FSTL4: variants seen among roughly 807,000 people sequenced by gnomAD.
The protein encoded by FSTL4 is follistatin-related protein 4.
FSTL4 carries 28 observed loss-of-function variants against 78.2 expected under a neutral mutation model. The observed-to-expected ratio is 0.36, with a 90% CI of 0.27 to 0.49. FSTL4 has a LOEUF of 0.49. FSTL4 is among the 20% of genes least tolerant of loss of function. The pLI is 0.98. For synonymous variants in FSTL4, 422 were observed against 440.5 expected, an observed-to-expected ratio of 0.96 and a Z score of 0.53; for missense variants, 922 against 1,084.9, an observed-to-expected ratio of 0.85 and a Z score of 2.11.
At chr5:133,646,006 T>C in the FSTL4 span, among the ~76,000 whole-genome samples, 1 of 152,252 alleles carries the variant, frequency 6.6e-6, no homozygotes, top group South Asian at 2.1e-4. Flanking sequence ...AGGAGATGAA[T>C]ATACCAAGTA....
the FSTL4 span, among the ~76,000 whole-genome samples, chr5:133,797,425 T>C: frequency 6.6e-6 from 1 of 152,252 alleles, no homozygotes; most frequent in Admixed American, 6.5e-5. Flanking sequence ...ACTTAATCCT[T>C]GCCTTGCATG....
the FSTL4 span, among the ~76,000 whole-genome samples, chr5:133,746,222 GA>G: frequency 6.6e-6 from 1 of 152,164 alleles, no homozygotes; most frequent in Non-Finnish European, 1.5e-5. Flanking sequence ...GCAAATCATG[GA>G]TTCAAAAGCA....
the FSTL4 span, among the ~76,000 whole-genome samples, chr5:133,832,217 T>A: frequency 6.6e-6 from 1 of 152,210 alleles, no homozygotes; most frequent in East Asian, 1.9e-4. Flanking sequence ...GACTCCAAAG[T>A]GATTACTCTA....
chr5:133,545,383 C>T (rs151161831), intron 3 of FSTL4, among the ~76,000 whole-genome samples: 1 of 152,250 alleles, frequency 6.6e-6, no homozygotes, highest in African/African-American at 2.4e-5. Flanking sequence ...GAATTAGTTA[C>T]AAGAGTGTGT....
In FSTL4 at chr5:133,390,514, C is replaced by A. The variant is rs146837307; in HGVS notation, c.409+10224G>T. ...GCAGGACTGGGCACAAGCTCACCTA[C>A]AATCAGGAAGCATGGGTGGTTCCCG... On this transcript the variant is annotated intron_variant, in intron 4 of 15. Coordinates refer to ENST00000265342, the MANE Select transcript of FSTL4 (RefSeq NM_015082.2). 4.1e-3 allele frequency among the ~76,000 whole-genome samples: 632 copies of A among 152,370 alleles called. 2 individuals are homozygous for A. The highest frequency in any genetic ancestry group is 0.014 in the African/African-American group (603 of 41,596).
At chr5:133,798,992 GGGAGGGAGAGAGAGGGGA>G in the FSTL4 span, among the ~76,000 whole-genome samples, 1 of 131,978 alleles carries the variant, frequency 7.6e-6, no homozygotes, top group African/African-American at 2.9e-5. Flanking sequence ...GAGGGAGGAA[GGGAGGGAGAGAGAGGGGA>G]AGGGAAGGAA....
the FSTL4 span, among the ~76,000 whole-genome samples, chr5:133,754,299 T>C: frequency 6.6e-6 from 1 of 152,192 alleles, no homozygotes; most frequent in African/African-American, 2.4e-5. Context: ...ATAATTGCTA[T>C]GAAATAGAAC....
At chr5:133,797,152 T>C in the FSTL4 span, among the ~76,000 whole-genome samples, 6 of 152,230 alleles carry the variant, frequency 3.9e-5, no homozygotes, top group African/African-American at 1.4e-4. Flanking sequence ...GGCAGTCAGA[T>C]TCCAGTTTGG....
At chr5:133,674,100 G>A in the FSTL4 span, among the ~76,000 whole-genome samples, 2 of 152,234 alleles carry the variant, frequency 1.3e-5, no homozygotes, top group Non-Finnish European at 1.5e-5. Flanking sequence ...GGGCCTGCAC[G>A]GGGGCTCCAG....
At chr5:133,833,410 T>G in the FSTL4 span, among the ~76,000 whole-genome samples, 2 of 152,274 alleles carry the variant, frequency 1.3e-5, no homozygotes, top group African/African-American at 4.8e-5. Context: ...TCATAAATTA[T>G]GCATAAAGAA....
chr5:133,277,038 G>A lies in FSTL4; in HGVS notation c.728-27462C>T, dbSNP rs563532479. ...AGAAAGACAGGGTAATAGGCTGGGC[G>A]CGGTGGCTCACTCCTGTAATTCCAG... On this transcript the variant is annotated intron_variant, in intron 6 of 15. Coordinates refer to ENST00000265342, the MANE Select transcript of FSTL4 (RefSeq NM_015082.2). 2.0e-5 allele frequency among the ~76,000 whole-genome samples: 3 copies of A among 152,304 alleles called. No individual in the cohort carries two copies. The East Asian group carries it at 5.8e-4, about 29-fold the overall frequency.
chr5:133,448,208 G>C (rs1185774330), intron 3 of FSTL4, among the ~76,000 whole-genome samples: 2 of 152,184 alleles, frequency 1.3e-5, no homozygotes, highest in Non-Finnish European at 2.9e-5. Context: ...TCCCTCCCCA[G>C]GGCTGCCCTG....
chr5:133,305,460 C>G (rs888904565), intron 6 of FSTL4, among the ~76,000 whole-genome samples: 2 of 152,226 alleles, frequency 1.3e-5, no homozygotes, highest in Non-Finnish European at 2.9e-5. Flanking sequence ...CCTTTTTCCT[C>G]ACCCTCTGCC....
intron 4 of FSTL4, among the ~76,000 whole-genome samples, chr5:133,396,574 T>C (rs1391161908): frequency 1.3e-5 from 2 of 152,188 alleles, no homozygotes; most frequent in Non-Finnish European, 2.9e-5. Context: ...AGAGCTGGAC[T>C]GGGCTGACAA....
chr5:133,628,006 T>C, the FSTL4 span, among the ~76,000 whole-genome samples: 1 of 152,102 alleles, frequency 6.6e-6, no homozygotes, highest in East Asian at 1.9e-4. Flanking sequence ...ACATGGAAAC[T>C]GAACAACCTG....
the FSTL4 span, among the ~76,000 whole-genome samples, chr5:133,634,333 T>C: frequency 3.9e-5 from 6 of 152,154 alleles, no homozygotes; most frequent in African/African-American, 1.2e-4. Context: ...TTTTCTGTCT[T>C]GCTAGGCTGC....
chr5:133,463,759 C>T (rs560966661), intron 3 of FSTL4, among the ~76,000 whole-genome samples: 1 of 152,164 alleles, frequency 6.6e-6, no homozygotes, highest in South Asian at 2.1e-4. Context: ...GACTGATAGC[C>T]TTTCCTGAGA....
chr5:133,554,351 T>C (rs1759744952), intron 3 of FSTL4, among the ~76,000 whole-genome samples: 1 of 152,226 alleles, frequency 6.6e-6, no homozygotes, highest in Non-Finnish European at 1.5e-5. Flanking sequence ...GGGTAGCATG[T>C]TTCTCGCTAT....
chr5:133,415,592 T>C lies in FSTL4; in HGVS notation c.161-14606A>G, dbSNP rs184448741. On this transcript the variant is annotated intron_variant, in intron 3 of 15. Transcript: ENST00000265342. ...ATAGTAAAGAGGAGGTGGCAGAGCA[T>C]GGTGGTGGCCAAGTGGGGGTCAAAG... 2.6e-4 allele frequency among the ~76,000 whole-genome samples: 39 copies of C among 152,178 alleles called. 1 individual carries two copies. The highest frequency in any genetic ancestry group is 5.3e-4 in the African/African-American group (22 of 41,488).
Sources: gnomAD v4.1 joint callset for allele counts (sites outside exome capture counted in the v4.1 genomes callset) on GRCh38, gnomAD v4.1.1 for gene constraint, MANE v1.5 for transcripts, NCBI Gene and HGNC (gene_info 2026-07-23, HGNC 2026-07-21) for gene names.